The following DGKI variants were observed in gnomAD, a reference collection of about 807,000 sequenced individuals.
DGKI encodes diacylglycerol kinase iota.
Under a neutral mutation model 147.5 loss-of-function variants are expected in DGKI, and 55 were observed. That is an observed-to-expected ratio of 0.37 (90% CI 0.30 to 0.47). The LOEUF (loss-of-function observed/expected upper bound fraction) is 0.47. DGKI is among the 20% of genes least tolerant of loss of function. The pLI, the probability that DGKI is intolerant of heterozygous loss-of-function variation, is 1.00. For synonymous variants in DGKI, 469 were observed against 477.1 expected, an observed-to-expected ratio of 0.98 and a Z score of 0.22; for missense variants, 1,007 against 1,323.8, an observed-to-expected ratio of 0.76 and a Z score of 3.71.
chr7:137,399,461 CA>C (rs1409467807), intron 30 of DGKI, among the ~76,000 whole-genome samples: 1 of 152,144 alleles, frequency 6.6e-6, no homozygotes, highest in African/African-American at 2.4e-5. Context: ...GGACAGTGAC[CA>C]GGGGCGAGGT....
At chr7:137,700,698 T>C (rs1319205804) in intron 1 of DGKI, among the ~76,000 whole-genome samples, 2 of 151,974 alleles carry the variant, frequency 1.3e-5, no homozygotes, top group Non-Finnish European at 2.9e-5. Context: ...GCCAACATGG[T>C]GAAACCTCTT....
At chr7:137,549,250 A>C (rs1817966184) in intron 20 of DGKI, among the ~76,000 whole-genome samples, 1 of 152,160 alleles carries the variant, frequency 6.6e-6, no homozygotes. Context: ...ATGTCAACTA[A>C]GATATTTGGG....
intron 1 of DGKI, among the ~76,000 whole-genome samples, chr7:137,769,187 CA>C (rs1329963729): frequency 6.6e-6 from 1 of 152,128 alleles, no homozygotes; most frequent in Non-Finnish European, 1.5e-5. Context: ...GGAGAAAATG[CA>C]AAAGAAGCCG....
At position 137,386,252 on chromosome 7, in the gene DGKI, T is replaced by C. The variant is rs886803316; in HGVS notation, c.*4968A>G. 1 of 152,086 alleles carries C rather than the reference T, an allele frequency of 6.6e-6. No individual in the cohort carries two copies. The highest frequency in any genetic ancestry group is 2.4e-5 in the African/African-American group (1 of 41,412). 9.4% of individuals were successfully genotyped at this position (152,086 alleles called of 1,614,324 possible). A position where few individuals can be genotyped will look rare whatever the true frequency, so the allele number is the denominator to read the frequency against. On this transcript the variant is annotated 3_prime_UTR_variant, in exon 33 of 33. Transcript: ENST00000614521. ...GCATGACTCTTTTCTTGGTTCTTAT[T>C]TTCAGGTTTCTCATTAAGCTGTGAG...
intron 2 of DGKI, among the ~76,000 whole-genome samples, chr7:137,686,030 C>A (rs1823402683): frequency 6.6e-6 from 1 of 152,098 alleles, no homozygotes. Context: ...GCTACTAGGT[C>A]TATGATGCTG....
intron 20 of DGKI, among the ~76,000 whole-genome samples, chr7:137,527,410 T>C (rs1817188607): frequency 6.6e-6 from 1 of 152,120 alleles, no homozygotes; most frequent in African/African-American, 2.4e-5. Context: ...TCAACATCAG[T>C]AGGGATACAA....
chr7:137,670,681 A>G (rs1822812288), intron 3 of DGKI, among the ~76,000 whole-genome samples: 5 of 152,202 alleles, frequency 3.3e-5, no homozygotes, highest in Admixed American at 3.3e-4. Flanking sequence ...TAATGGTGAA[A>G]AAGGCCCCTG....
chr7:137,612,722 T>C (rs1195077607), intron 8 of DGKI, among the ~76,000 whole-genome samples: 1 of 152,158 alleles, frequency 6.6e-6, no homozygotes. Flanking sequence ...TAGAATTTGT[T>C]GGTGATATAT....
rs374883924 is a variant in DGKI at position 137,551,883 on chromosome 7, G to A, written c.2147+486C>T. Among the ~76,000 whole-genome samples the A allele has an allele frequency of 2.2e-4, 33 of 152,184 alleles. No individual in the cohort carries two copies. The South Asian group carries it at 6.8e-3, about 32-fold the overall frequency. On this transcript the variant is annotated intron_variant, in intron 20 of 32. Transcript: ENST00000614521. ...CCCCAAAATGGGAACATCAGGAAGG[G>A]AACAATTCACTGGCAGGCAGAAAGA...
intron 23 of DGKI, among the ~76,000 whole-genome samples, chr7:137,473,940 T>C (rs888403811): frequency 2.0e-5 from 3 of 152,200 alleles, no homozygotes; most frequent in African/African-American, 7.2e-5. Flanking sequence ...GACCTGACAA[T>C]TAAACTTCAA....
intron 30 of DGKI, among the ~76,000 whole-genome samples, chr7:137,402,683 A>C (rs951993217): frequency 4.6e-5 from 7 of 152,012 alleles, no homozygotes; most frequent in African/African-American, 1.7e-4. Context: ...CTGGGCCCTC[A>C]TTTCCCATTA....
At chr7:137,421,576 C>T (rs1046241020) in intron 28 of DGKI, among the ~76,000 whole-genome samples, 23 of 152,324 alleles carry the variant, frequency 1.5e-4, no homozygotes, top group African/African-American at 4.6e-4. Flanking sequence ...AAAAGCAGTT[C>T]GTTCCACTTC....
At chr7:137,397,485 T>A (rs1811595956) in intron 30 of DGKI, 72 bp from the exon 31 acceptor site, 1 of 1,491,054 alleles carries the variant, frequency 6.7e-7, no homozygotes. Context: ...AAATCTATAG[T>A]CACAGAATTA....
chr7:137,535,348 C>A (rs1333038186), intron 20 of DGKI, among the ~76,000 whole-genome samples: 1 of 152,090 alleles, frequency 6.6e-6, no homozygotes, highest in East Asian at 1.9e-4. Flanking sequence ...TTTCACTTAT[C>A]TATTAAAAAC....
chr7:137,407,879 G>A lies in DGKI; in HGVS notation c.2916C>T (p.Asp972=). ...GNGEIVKYIL[D]HGPSELLDMA... ...AAGTTCACTATGCCTACTTACCGTGGTCAAGGATATATTTCACAATCTCCC... is the reference window on the plus strand; with the variant it reads ...AAGTTCACTATGCCTACTTACCGTGATCAAGGATATATTTCACAATCTCCC... The change falls in exon 30 of 33, where the codon GAC becomes GAT. Residue 972 remains aspartate (D), a synonymous_variant. Transcript: ENST00000614521. The A allele has an allele frequency of 6.2e-7, 1 of 1,614,020 alleles. No homozygotes were observed. The highest frequency in any genetic ancestry group is 1.1e-5 in the South Asian group (1 of 91,082).
At chr7:137,400,879 C>A (rs1030178774) in intron 30 of DGKI, among the ~76,000 whole-genome samples, 3 of 152,170 alleles carry the variant, frequency 2.0e-5, no homozygotes, top group African/African-American at 4.8e-5. Context: ...TGAACACTGG[C>A]CAAGAAGAGG....
chr7:137,761,858 G>C (rs986432276), intron 1 of DGKI, among the ~76,000 whole-genome samples: 2 of 152,182 alleles, frequency 1.3e-5, no homozygotes, highest in African/African-American at 4.8e-5. Flanking sequence ...TGTCTCACAG[G>C]CAGCCTAAAC....
At chr7:137,655,155 A>G (rs1035349471) in intron 4 of DGKI, among the ~76,000 whole-genome samples, 1 of 151,752 alleles carries the variant, frequency 6.6e-6, no homozygotes, top group Non-Finnish European at 1.5e-5. Flanking sequence ...TATAAACTTG[A>G]GTTTTTTTAG....
chr7:137,774,302 T>TA (rs912526916), intron 1 of DGKI, among the ~76,000 whole-genome samples: 66 of 149,566 alleles, frequency 4.4e-4, no homozygotes, highest in East Asian at 1.9e-3. Flanking sequence ...CCAACTGTTT[T>TA]AAAAAAAAAA....
Sources: allele counts gnomAD v4.1 joint callset (sites outside exome capture counted in the v4.1 genomes callset), GRCh38; gene constraint gnomAD v4.1.1; transcripts MANE v1.5; gene names NCBI Gene and HGNC (gene_info 2026-07-23, HGNC 2026-07-21).